The following MAML3 variants were observed in gnomAD, a reference collection of about 807,000 sequenced individuals.
MAML3 encodes the protein mastermind like transcriptional coactivator 3.
A neutral mutation model predicts 101.9 loss-of-function variants in MAML3; 27 were observed. That is an observed-to-expected ratio of 0.27 (90% confidence interval 0.20 to 0.37). MAML3 has a LOEUF of 0.37. Ranked by LOEUF, MAML3 falls within the 10% of genes least tolerant of loss-of-function variation. The pLI is 1.00. For missense variants in MAML3, 1,316 were observed against 1,444.9 expected, an observed-to-expected ratio of 0.91 and a Z score of 1.45; for synonymous variants, 501 against 555.9, an observed-to-expected ratio of 0.90 and a Z score of 1.39.
At chr4:139,753,873 G>A (rs1335382719) in intron 2 of MAML3, among the ~76,000 whole-genome samples, 1 of 152,174 alleles carries the variant, frequency 6.6e-6, no homozygotes, top group Non-Finnish European at 1.5e-5. Flanking sequence ...CATCAGAAGG[G>A]AGACAAATGG....
At chr4:139,931,269 G>A (rs1048462375) in intron 1 of MAML3, among the ~76,000 whole-genome samples, 2 of 152,100 alleles carry the variant, frequency 1.3e-5, no homozygotes, top group African/African-American at 2.4e-5. Context: ...TTCCTTTTAC[G>A]TTCCTCTTCT....
chr4:139,825,968 C>T (rs1033448436), intron 2 of MAML3, among the ~76,000 whole-genome samples: 5 of 151,936 alleles, frequency 3.3e-5, no homozygotes, highest in African/African-American at 1.2e-4. Context: ...AACCCGGGGT[C>T]GGGATATCAC....
intron 1 of MAML3, among the ~76,000 whole-genome samples, chr4:139,967,888 G>C (rs1296539493): frequency 6.7e-6 from 1 of 149,872 alleles, no homozygotes; most frequent in South Asian, 2.1e-4. Flanking sequence ...CACACCCTAG[G>C]CTCCACATGA....
intron 2 of MAML3, among the ~76,000 whole-genome samples, chr4:139,765,624 G>C (rs1366835351): frequency 6.6e-6 from 1 of 152,196 alleles, no homozygotes; most frequent in Non-Finnish European, 1.5e-5. Context: ...ATGTTTAAAA[G>C]TTGGAAATCA....
At chr4:139,724,576 G>A (rs1018571118) in intron 4 of MAML3, among the ~76,000 whole-genome samples, 1 of 152,108 alleles carries the variant, frequency 6.6e-6, no homozygotes. Context: ...AGGCTTCATA[G>A]CTTTTTGCAG....
chr4:140,087,957 T>C (rs952263650), intron 1 of MAML3, among the ~76,000 whole-genome samples: 1 of 152,144 alleles, frequency 6.6e-6, no homozygotes, highest in African/African-American at 2.4e-5. Context: ...TGTTAACAGG[T>C]TCACACATAA....
chr4:139,929,794 G>T (rs1259662477), intron 1 of MAML3, among the ~76,000 whole-genome samples: 1 of 152,192 alleles, frequency 6.6e-6, no homozygotes, highest in Admixed American at 6.5e-5. Flanking sequence ...GTGTTTGCAG[G>T]ATGATAGACA....
At chr4:140,123,530 G>A (rs981388439) in intron 1 of MAML3, among the ~76,000 whole-genome samples, 3 of 152,000 alleles carry the variant, frequency 2.0e-5, no homozygotes, top group Non-Finnish European at 2.9e-5. Flanking sequence ...TCTTTCAAAT[G>A]TAACTTTCAT....
intron 2 of MAML3, among the ~76,000 whole-genome samples, chr4:139,741,478 G>T (rs1012186095): frequency 6.6e-6 from 1 of 152,252 alleles, no homozygotes; most frequent in African/African-American, 2.4e-5. Flanking sequence ...TGAGCTGAGC[G>T]TGGTGGCTCA....
intron 2 of MAML3, among the ~76,000 whole-genome samples, chr4:139,847,462 A>T (rs1206984488): frequency 1.3e-5 from 2 of 152,178 alleles, no homozygotes; most frequent in Non-Finnish European, 2.9e-5. Context: ...TCCCTCAAAC[A>T]CTTGGGACCG....
At chr4:140,071,979 G>A (rs185809848) in intron 1 of MAML3, among the ~76,000 whole-genome samples, 1 of 152,172 alleles carries the variant, frequency 6.6e-6, no homozygotes, top group African/African-American at 2.4e-5. Flanking sequence ...GGTGGACGTG[G>A]GGGAGGAAGG....
At chr4:139,746,130 A>AT (rs1338442541) in intron 2 of MAML3, among the ~76,000 whole-genome samples, 1 of 152,234 alleles carries the variant, frequency 6.6e-6, no homozygotes, top group Non-Finnish European at 1.5e-5. Flanking sequence ...TCTCAGTTGG[A>AT]TTTTTTATTA....
intron 1 of MAML3, among the ~76,000 whole-genome samples, chr4:139,973,557 C>A (rs1237779989): frequency 2.0e-5 from 3 of 152,090 alleles, no homozygotes; most frequent in Admixed American, 2.0e-4. Flanking sequence ...TGGAAGGGAG[C>A]CTTGGCATCA....
chr4:139,981,425 T>G (rs1157015656), intron 1 of MAML3, among the ~76,000 whole-genome samples: 2 of 152,218 alleles, frequency 1.3e-5, no homozygotes, highest in Non-Finnish European at 2.9e-5. Context: ...GTTCAGCCCA[T>G]GATAAATAGT....
chr4:139,997,105 CTG>C (rs1443833302), intron 1 of MAML3, among the ~76,000 whole-genome samples: 1 of 132,466 alleles, frequency 7.5e-6, no homozygotes, highest in Non-Finnish European at 1.7e-5. Flanking sequence ...TTTTGAGACT[CTG>C]TCTCAAAAAA....
chr4:139,760,717 G>A (rs1214077844), intron 2 of MAML3, among the ~76,000 whole-genome samples: 1 of 152,178 alleles, frequency 6.6e-6, no homozygotes, highest in Non-Finnish European at 1.5e-5. Flanking sequence ...ATACCCATCA[G>A]AAGCCATCTG....
chr4:140,049,805 T>C (rs1384415589), intron 1 of MAML3, among the ~76,000 whole-genome samples: 1 of 152,142 alleles, frequency 6.6e-6, no homozygotes, highest in Non-Finnish European at 1.5e-5. Context: ...TTTACTTTGT[T>C]TTCACACCAG....
chr4:140,134,003 A>G, intron 1 of MAML3: 1 of 400,752 alleles, frequency 2.5e-6, no homozygotes, highest in Non-Finnish European at 5.0e-6. Context: ...CAACTTTCTT[A>G]TTCCATACTC....
chr4:139,970,588 T>C (rs1446927693), intron 1 of MAML3, among the ~76,000 whole-genome samples: 1 of 152,184 alleles, frequency 6.6e-6, no homozygotes, highest in South Asian at 2.1e-4. Context: ...AGGTAATAGA[T>C]GATGAGGAAA....
Sources: gnomAD v4.1 joint callset for allele counts (sites outside exome capture counted in the v4.1 genomes callset) on GRCh38, gnomAD v4.1.1 for gene constraint, MANE v1.5 for transcripts, NCBI Gene and HGNC (gene_info 2026-07-23, HGNC 2026-07-21) for gene names.